ZBTB20: variants seen among roughly 807,000 people sequenced by gnomAD.
ZBTB20 encodes the protein zinc finger and BTB domain-containing protein 20.
A neutral mutation model predicts 56.9 loss-of-function variants in ZBTB20; 9 were observed. The observed-to-expected ratio is 0.16, with a 90% CI of 0.10 to 0.28. The LOEUF is 0.28. Ranked by LOEUF, ZBTB20 falls within the 10% of genes least tolerant of loss-of-function variation. ZBTB20 has a pLI of 1.00. For missense variants in ZBTB20, 655 were observed against 1,003.0 expected (o/e 0.65, Z 4.69); for synonymous variants, 417 against 420.7 (o/e 0.99, Z 0.11).
intron 7 of ZBTB20, among the ~76,000 whole-genome samples, chr3:114,403,103 A>G (rs1184636582): frequency 6.6e-6 from 1 of 152,186 alleles, no homozygotes; most frequent in African/African-American, 2.4e-5. Flanking sequence ...ACCACACAAC[A>G]TTGCATCAGA....
intron 7 of ZBTB20, chr3:114,418,971 G>A (rs2088862097): frequency 6.6e-6 from 1 of 151,942 alleles, no homozygotes; most frequent in African/African-American, 2.4e-5. Context: ...AATCATTTAG[G>A]GTAGAAAGAA....
chr3:114,844,520 CAA>C (rs71146342), intron 4 of ZBTB20, among the ~76,000 whole-genome samples: 66 of 22,780 alleles, frequency 2.9e-3, no homozygotes, highest in African/African-American at 4.2e-3. Context: ...GTCCCTGTCT[CAA>C]AAAAAAAAAA....
At chr3:114,813,082 C>A (rs1211343138) in intron 4 of ZBTB20, among the ~76,000 whole-genome samples, 3 of 152,238 alleles carry the variant, frequency 2.0e-5, no homozygotes, top group African/African-American at 7.2e-5. Context: ...CGGCCTTGGC[C>A]AGCCCAGAAA....
At chr3:114,716,257 A>G (rs2064473641) in intron 5 of ZBTB20, among the ~76,000 whole-genome samples, 1 of 152,134 alleles carries the variant, frequency 6.6e-6, no homozygotes, top group Non-Finnish European at 1.5e-5. Flanking sequence ...AATGATGCCC[A>G]TTTCCCTAAT....
chr3:114,841,234 T>C (rs887726236), intron 4 of ZBTB20, among the ~76,000 whole-genome samples: 5 of 152,252 alleles, frequency 3.3e-5, no homozygotes, highest in African/African-American at 1.2e-4. Flanking sequence ...AAGCTTTAAA[T>C]TGAGACTTGC....
chr3:114,570,819 G>C (rs894616572), intron 6 of ZBTB20, among the ~76,000 whole-genome samples: 19 of 152,056 alleles, frequency 1.2e-4, no homozygotes, highest in Non-Finnish European at 2.8e-4. Flanking sequence ...TTTGGACTGA[G>C]ATAATTAAAT....
intron 4 of ZBTB20, among the ~76,000 whole-genome samples, chr3:114,840,125 T>A (rs939352090): frequency 2.0e-5 from 3 of 152,236 alleles, no homozygotes; most frequent in Non-Finnish European, 2.9e-5. Context: ...GGTTTCTCTA[T>A]ACTAATTGTG....
intron 5 of ZBTB20, among the ~76,000 whole-genome samples, chr3:114,745,146 T>G: frequency 6.6e-6 from 1 of 152,160 alleles, no homozygotes; most frequent in East Asian, 1.9e-4. Flanking sequence ...TGGTTGTTTT[T>G]GAATAGAAAG....
intron 6 of ZBTB20, among the ~76,000 whole-genome samples, chr3:114,680,118 C>A (rs888435273): frequency 6.6e-6 from 1 of 152,108 alleles, no homozygotes; most frequent in Admixed American, 6.6e-5. Flanking sequence ...GGGAACATTA[C>A]ACACCAGGGC....
intron 6 of ZBTB20, chr3:114,684,564 T>C (rs1053310814): frequency 1.3e-5 from 2 of 152,184 alleles, no homozygotes; most frequent in Non-Finnish European, 2.9e-5. Flanking sequence ...GCTGACAATA[T>C]CTATTTACTT....
chr3:114,490,651 T>C (rs1250030358), intron 7 of ZBTB20, among the ~76,000 whole-genome samples: 1 of 152,176 alleles, frequency 6.6e-6, no homozygotes, highest in Non-Finnish European at 1.5e-5. Context: ...GCTCTTAACA[T>C]TTAGAGACAA....
intron 10 of ZBTB20, among the ~76,000 whole-genome samples, chr3:114,358,387 C>A (rs2081462138): frequency 6.6e-6 from 1 of 152,184 alleles, no homozygotes; most frequent in East Asian, 1.9e-4. Context: ...CTTGACTTAT[C>A]TTCCATTCCT....
At chr3:114,864,213 A>G (rs1266660727) in intron 4 of ZBTB20, among the ~76,000 whole-genome samples, 2 of 152,054 alleles carry the variant, frequency 1.3e-5, no homozygotes, top group African/African-American at 2.4e-5. Context: ...CATGACAATG[A>G]TAAAACAGCC....
At chr3:114,465,662 G>T (rs1243709446) in intron 7 of ZBTB20, among the ~76,000 whole-genome samples, 2 of 151,380 alleles carry the variant, frequency 1.3e-5, no homozygotes, top group Non-Finnish European at 2.9e-5. Context: ...AGCCGAGATC[G>T]CACCATTGCA....
At chr3:114,855,998 G>A (rs1312235873) in intron 4 of ZBTB20, among the ~76,000 whole-genome samples, 2 of 152,164 alleles carry the variant, frequency 1.3e-5, no homozygotes, top group African/African-American at 4.8e-5. Context: ...GGTATAGAGA[G>A]TGAAAAACAC....
rs576410312 is a variant in ZBTB20 at position 114,907,976 on chromosome 3, G to A, written c.-455-7634C>T. 5.3e-5 allele frequency among the ~76,000 whole-genome samples: 8 copies of A among 151,906 alleles called. No individual in the cohort carries two copies. In the East Asian group the frequency reaches 1.5e-3, roughly 29 times the overall value. Reference sequence around the variant, plus strand: ...ATTGGGAGTTGGGGTTGAAATTTTAGATAGGGGGACCAGCAAAGAAATTAT... The same window carrying A: ...ATTGGGAGTTGGGGTTGAAATTTTAAATAGGGGGACCAGCAAAGAAATTAT... On this transcript the variant is annotated intron_variant, in intron 3 of 11. Transcript: ENST00000675478.
chr3:114,544,439 TTCTTTCTTTCTTTC>T lies in ZBTB20; in HGVS notation c.-294-44062_-294-44049del, dbSNP rs2049537619. 2.9e-5 allele frequency among the ~76,000 whole-genome samples: 3 copies of T among 103,288 alleles called. No homozygotes were observed. In the Admixed American group the frequency reaches 3.1e-4, roughly 11 times the overall value. The allele number at this position is 103,288 out of a possible 152,430, so 67.8% of individuals were successfully genotyped here. On this transcript the variant is annotated intron_variant, in intron 6 of 11. Transcript: ENST00000675478. ...TTTCTTTCTTTCTTTCTTTCTTTCT[TTCTTTCTTTCTTTC>T]TTTCTTTCTTTCTTTCTTTCTTTCT...
intron 2 of ZBTB20, among the ~76,000 whole-genome samples, chr3:115,049,824 G>A (rs1033073265): frequency 6.6e-6 from 1 of 152,066 alleles, no homozygotes; most frequent in Non-Finnish European, 1.5e-5. Context: ...TACCTCAGTT[G>A]GTACTGGTTT....
intron 5 of ZBTB20, among the ~76,000 whole-genome samples, chr3:114,788,919 T>A (rs956669009): frequency 2.6e-5 from 4 of 152,078 alleles, no homozygotes; most frequent in Non-Finnish European, 2.9e-5. Context: ...CTACTCTTTA[T>A]AAAACCATCA....
Sources: gnomAD v4.1 joint callset for allele counts (sites outside exome capture counted in the v4.1 genomes callset) on GRCh38, gnomAD v4.1.1 for gene constraint, MANE v1.5 for transcripts, NCBI Gene and HGNC (gene_info 2026-07-23, HGNC 2026-07-21) for gene names.